The following ATL1 variants were observed in gnomAD, a reference collection of about 807,000 sequenced individuals.
ATL1 encodes atlastin-1.
Under a neutral mutation model 75.5 loss-of-function variants are expected in ATL1, and 31 were observed. The ratio of observed to expected loss-of-function variants is 0.41; its 90% CI spans 0.31 to 0.55. ATL1 has a LOEUF of 0.55. Among genes scored for constraint, ATL1 ranks in the 20% least tolerant of loss-of-function variants. The pLI is 0.27. For missense variants in ATL1, 405 were observed against 662.6 expected, an observed-to-expected ratio of 0.61 and a Z score of 4.27; for synonymous variants, 226 against 233.3, an observed-to-expected ratio of 0.97 and a Z score of 0.28.
chr14:50,593,207 C>T (rs2039180051), intron 4 of ATL1, among the ~76,000 whole-genome samples: 1 of 151,698 alleles, frequency 6.6e-6, no homozygotes, highest in Non-Finnish European at 1.5e-5. Context: ...TCTGCTAATT[C>T]CTTAGTAATG....
chr14:50,536,522 TGGG>T, intron 1 of ATL1, among the ~76,000 whole-genome samples: 1 of 151,700 alleles, frequency 6.6e-6, no homozygotes, highest in Non-Finnish European at 1.5e-5. Context: ...ACTTTGGAAC[TGGG>T]TAACAGGCAG....
intron 13 of ATL1, among the ~76,000 whole-genome samples, chr14:50,630,548 A>G (rs895639745): frequency 6.6e-6 from 1 of 152,216 alleles, no homozygotes; most frequent in Non-Finnish European, 1.5e-5. Flanking sequence ...GCAACACTAC[A>G]TATCTCAGAA....
chr14:50,535,397 CTATT>C (rs1357484400), intron 1 of ATL1, among the ~76,000 whole-genome samples: 2 of 152,218 alleles, frequency 1.3e-5, no homozygotes, highest in Non-Finnish European at 2.9e-5. Flanking sequence ...TAACTTTAGT[CTATT>C]GAACATACAG....
intron 1 of ATL1, among the ~76,000 whole-genome samples, chr14:50,547,975 G>C (rs960078885): frequency 1.3e-5 from 2 of 152,044 alleles, no homozygotes; most frequent in African/African-American, 4.8e-5. Flanking sequence ...CAGTCTCTGT[G>C]TTTCACTGTA....
At chr14:50,560,823 G>T (rs540575738) in intron 1 of ATL1, among the ~76,000 whole-genome samples, 2 of 152,340 alleles carry the variant, frequency 1.3e-5, no homozygotes, top group Admixed American at 6.5e-5. Context: ...GGCGGAGCGC[G>T]CCGGGTCCCG....
At chr14:50,550,988 G>A (rs1263686843) in intron 1 of ATL1, among the ~76,000 whole-genome samples, 1 of 151,126 alleles carries the variant, frequency 6.6e-6, no homozygotes, top group Non-Finnish European at 1.5e-5. Flanking sequence ...AGAGAAACAA[G>A]AACCAAACCC....
Position 50,614,372 on chromosome 14 carries a change from G to C in ATL1, c.724-1G>C, listed in dbSNP as rs1262145637. On this transcript the variant is annotated splice_acceptor_variant, in intron 7 of 13. Transcript: ENST00000358385. LOFTEE classifies it high-confidence loss of function. Reference sequence around the variant, plus strand: ...TTAAACTTCAGAATGATTTACTGCAGGTCTCAGGGAACCAGCATGAAGAAC... The same window carrying C: ...TTAAACTTCAGAATGATTTACTGCACGTCTCAGGGAACCAGCATGAAGAAC... The C allele has an allele frequency of 6.2e-7, 1 of 1,613,952 alleles. No individual in the cohort carries two copies. Among genetic ancestry groups the C allele is most frequent in the African/African-American group, 1.3e-5 (1 of 75,028 alleles).
At chr14:50,555,473 G>C (rs2140166390), upstream of ATL1, among the ~76,000 whole-genome samples, 1 of 152,140 alleles carries the variant, frequency 6.6e-6, no homozygotes, top group African/African-American at 2.4e-5. Context: ...TAGTAGAGAC[G>C]GGGTTTCACC....
intron 1 of ATL1, among the ~76,000 whole-genome samples, chr14:50,572,940 A>G (rs2038967378): frequency 6.6e-6 from 1 of 152,184 alleles, no homozygotes; most frequent in Non-Finnish European, 1.5e-5. Flanking sequence ...ACTTACAATC[A>G]TGGCATAAGG....
intron 1 of ATL1, among the ~76,000 whole-genome samples, chr14:50,573,346 G>A (rs1376623425): frequency 2.6e-5 from 4 of 152,110 alleles, no homozygotes; most frequent in Admixed American, 2.6e-4. Context: ...AATGTTTTGT[G>A]TCTGCACTGT....
intron 6 of ATL1, among the ~76,000 whole-genome samples, chr14:50,600,257 TAAA>T (rs754483014): frequency 4.4e-5 from 6 of 135,836 alleles, no homozygotes; most frequent in African/African-American, 2.7e-5. Context: ...GGCTTTTGGT[TAAA>T]AAAAAAAAAA....
At chr14:50,625,005 G>T (rs1039083754) in intron 11 of ATL1, among the ~76,000 whole-genome samples, 2 of 152,042 alleles carry the variant, frequency 1.3e-5, no homozygotes, top group Non-Finnish European at 2.9e-5. Flanking sequence ...AGGAGGCAGA[G>T]GTTGCAATGA....
In ATL1 at chr14:50,622,526, C is replaced by T. The variant is rs369280429; in HGVS notation, c.1047+627C>T. On this transcript the variant is annotated intron_variant, in intron 10 of 13. Coordinates refer to ENST00000358385, the MANE Select transcript of ATL1 (RefSeq NM_015915.5). Reference sequence around the variant, plus strand: ...ACTAAAAATACAAAAATTAGCTGGGCGTGGTGGCGCAAGCCTGTAGTCCCA... The same window carrying T: ...ACTAAAAATACAAAAATTAGCTGGGTGTGGTGGCGCAAGCCTGTAGTCCCA... 1.8e-3 allele frequency among the ~76,000 whole-genome samples: 277 copies of T among 152,070 alleles called. 1 individual carries two copies. The highest frequency in any genetic ancestry group is 6.2e-3 in the South Asian group (30 of 4,822).
intron 2 of ATL1, among the ~76,000 whole-genome samples, chr14:50,589,308 G>A (rs878973157): frequency 5.9e-5 from 9 of 151,700 alleles, no homozygotes; most frequent in Admixed American, 2.0e-4. Flanking sequence ...ACAAGCATGC[G>A]CCACCACATC....
rs374740872 is a variant in ATL1 at position 50,565,137 on chromosome 14, A to C, written c.34+4838A>C. ...CCCCATCTCTACTAAAAATGTAAAAAAAATTAGCCGGGTGTGGTGGTGGGC... is the reference window on the plus strand; with the variant it reads ...CCCCATCTCTACTAAAAATGTAAAACAAATTAGCCGGGTGTGGTGGTGGGC... On this transcript the variant is annotated intron_variant, in intron 1 of 13. Coordinates refer to ENST00000358385, the MANE Select transcript of ATL1 (RefSeq NM_015915.5). Among the ~76,000 whole-genome samples the C allele has an allele frequency of 1.2e-4, 18 of 152,056 alleles. No homozygotes were observed. In the East Asian group the frequency reaches 3.3e-3, roughly 28 times the overall value.
At chr14:50,616,072 C>T (rs2039412026) in intron 8 of ATL1, among the ~76,000 whole-genome samples, 1 of 152,100 alleles carries the variant, frequency 6.6e-6, no homozygotes, top group African/African-American at 2.4e-5. Context: ...TAGCTCACTG[C>T]AACCTTGAAC....
Position 50,544,936 on chromosome 14 carries a change from C to CA in ATL1, c.-140+11595dup, listed in dbSNP as rs35420627. On this transcript the variant is annotated intron_variant, in intron 1 of 13. Transcript: ENST00000441560. ...TGAGTGACAGAGTGAGACCCACTCTCAAAAAAAAAAAAAAAAAAAAAAAAA... is the reference window on the plus strand; with the variant it reads ...TGAGTGACAGAGTGAGACCCACTCTCAAAAAAAAAAAAAAAAAAAAAAAAAA... Among the ~76,000 whole-genome samples, 416 of 58,382 alleles carry CA rather than the reference C, an allele frequency of 7.1e-3. 9 individuals are homozygous for CA. The highest frequency in any genetic ancestry group is 0.011 in the East Asian group (18 of 1,618). 38.3% of individuals were successfully genotyped at this position (58,382 alleles called of 152,430 possible).
At position 50,590,940 on chromosome 14, in the gene ATL1, G is replaced by T; in HGVS notation, c.283-1G>T. ...ATATCATAGACTTTATCATTTTATA[G>T]GAATCAGTTGATTGGGTTGGAGACT... On this transcript the variant is annotated splice_acceptor_variant, in intron 2 of 13. Transcript: ENST00000358385. LOFTEE classifies it high-confidence loss of function. The T allele has an allele frequency of 1.2e-6, 2 of 1,613,594 alleles. No individual in the cohort carries two copies. Among genetic ancestry groups the T allele is most frequent in the Non-Finnish European group, 1.7e-6 (2 of 1,179,768 alleles).
At chr14:50,624,190 T>C (rs1470467033) in intron 11 of ATL1, among the ~76,000 whole-genome samples, 1 of 152,108 alleles carries the variant, frequency 6.6e-6, no homozygotes, top group Non-Finnish European at 1.5e-5. Context: ...AAATCTCAAA[T>C]GCAGGCATAC....
Sources: gnomAD v4.1 joint callset for allele counts (sites outside exome capture counted in the v4.1 genomes callset) on GRCh38, gnomAD v4.1.1 for gene constraint, MANE v1.5 for transcripts, NCBI Gene and HGNC (gene_info 2026-07-23, HGNC 2026-07-21) for gene names.